Variants in RPS6KC1 observed in about 807,000 individuals in gnomAD.
RPS6KC1 encodes ribosomal protein S6 kinase C1, also known as inactive ribosomal protein S6 kinase delta-1.
RPS6KC1 carries 54 observed loss-of-function variants against 103.8 expected under a neutral mutation model. The observed-to-expected ratio is 0.52, with a 90% CI of 0.42 to 0.65. The LOEUF (loss-of-function observed/expected upper bound fraction) is 0.65, where lower values mean the gene tolerates loss of function less well. Among genes scored for constraint, RPS6KC1 ranks in the 30% least tolerant of loss-of-function variants. RPS6KC1 has a pLI of 0.00. For missense variants in RPS6KC1, 1,151 were observed against 1,253.8 expected (o/e 0.92, Z 1.24); for synonymous variants, 439 against 438.7 (o/e 1.00, Z -0.01).
At chr1:213,739,538 A>C in the RPS6KC1 span, among the ~76,000 whole-genome samples, 1 of 152,204 alleles carries the variant, frequency 6.6e-6, no homozygotes, top group South Asian at 2.1e-4. Context: ...CTTCAAATGG[A>C]AAAAGACACC....
intron 14 of RPS6KC1, among the ~76,000 whole-genome samples, chr1:213,264,286 C>G (rs951670787): frequency 6.6e-6 from 1 of 151,894 alleles, no homozygotes; most frequent in African/African-American, 2.4e-5. Context: ...ATACCTAGAG[C>G]ACTTTAGATT....
the RPS6KC1 span, among the ~76,000 whole-genome samples, chr1:213,687,901 T>C: frequency 6.6e-6 from 1 of 152,236 alleles, no homozygotes; most frequent in African/African-American, 2.4e-5. Flanking sequence ...TATTTCATTC[T>C]TTCTCTGTGA....
chr1:213,642,299 G>C, the RPS6KC1 span, among the ~76,000 whole-genome samples: 4 of 152,188 alleles, frequency 2.6e-5, no homozygotes, highest in Admixed American at 6.6e-5. Context: ...ATTCTGTCCA[G>C]GTTTTAGAGT....
chr1:213,730,786 A>G, the RPS6KC1 span, among the ~76,000 whole-genome samples: 190 of 152,146 alleles, frequency 1.2e-3, 1 homozygote, highest in African/African-American at 4.3e-3. Flanking sequence ...ATTAGATCCC[A>G]TTTGTCAATT....
the RPS6KC1 span, among the ~76,000 whole-genome samples, chr1:213,721,402 A>G: frequency 6.6e-6 from 1 of 152,130 alleles, no homozygotes; most frequent in South Asian, 2.1e-4. Context: ...TAGTGAATAA[A>G]TCTCACAGAA....
At chr1:213,547,024 T>C in the RPS6KC1 span, among the ~76,000 whole-genome samples, 1 of 152,218 alleles carries the variant, frequency 6.6e-6, no homozygotes, top group East Asian at 1.9e-4. Flanking sequence ...GTTTGCAGAC[T>C]TTCCTAGTTT....
the RPS6KC1 span, among the ~76,000 whole-genome samples, chr1:213,763,516 A>G: frequency 6.6e-6 from 1 of 152,178 alleles, no homozygotes; most frequent in Non-Finnish European, 1.5e-5. Flanking sequence ...AGCTCTATTC[A>G]TGGGACCTGG....
chr1:213,216,980 A>G (rs2093682603), intron 8 of RPS6KC1, among the ~76,000 whole-genome samples: 1 of 151,742 alleles, frequency 6.6e-6, no homozygotes, highest in Non-Finnish European at 1.5e-5. Flanking sequence ...GCAAGAGCAA[A>G]CACATTCAAA....
chr1:213,266,899 G>A (rs973722555), intron 14 of RPS6KC1, among the ~76,000 whole-genome samples: 10 of 137,452 alleles, frequency 7.3e-5, no homozygotes, highest in African/African-American at 1.0e-4. Flanking sequence ...TTGAGGCTCC[G>A]TCTCAAACAA....
At chr1:213,107,664 A>C (rs1282561695) in intron 4 of RPS6KC1, among the ~76,000 whole-genome samples, 1 of 152,164 alleles carries the variant, frequency 6.6e-6, no homozygotes, top group African/African-American at 2.4e-5. Flanking sequence ...TTCTTGGGTG[A>C]TTCCTGAGGA....
At chr1:213,394,642 A>T in the RPS6KC1 span, among the ~76,000 whole-genome samples, 1 of 152,140 alleles carries the variant, frequency 6.6e-6, no homozygotes. Flanking sequence ...TCAGGTGGAA[A>T]TGGGCCATGC....
chr1:213,389,563 C>T, the RPS6KC1 span, among the ~76,000 whole-genome samples: 2 of 152,210 alleles, frequency 1.3e-5, no homozygotes, highest in East Asian at 1.9e-4. Flanking sequence ...ACACTGATGG[C>T]GGCTTGGGCA....
the RPS6KC1 span, among the ~76,000 whole-genome samples, chr1:213,742,804 G>A: frequency 4.6e-5 from 7 of 152,270 alleles, no homozygotes; most frequent in Non-Finnish European, 8.8e-5. Context: ...GGTCTAGTCA[G>A]AGTGAGCAGA....
chr1:213,771,153 C>T, the RPS6KC1 span, among the ~76,000 whole-genome samples: 1 of 151,982 alleles, frequency 6.6e-6, no homozygotes, highest in African/African-American at 2.4e-5. Context: ...GTTTTTCCTC[C>T]TCTAAGTAAA....
the RPS6KC1 span, among the ~76,000 whole-genome samples, chr1:213,364,463 G>A: frequency 1.3e-5 from 2 of 152,198 alleles, no homozygotes; most frequent in African/African-American, 4.8e-5. Flanking sequence ...AGACTGGGCT[G>A]TGGTTGTGGT....
At chr1:213,848,775 T>G in the RPS6KC1 span, among the ~76,000 whole-genome samples, 1 of 152,176 alleles carries the variant, frequency 6.6e-6, no homozygotes, top group Non-Finnish European at 1.5e-5. Context: ...TTTTGATTTT[T>G]TTTATATTGT....
At chr1:213,352,918 T>C in the RPS6KC1 span, among the ~76,000 whole-genome samples, 1 of 152,194 alleles carries the variant, frequency 6.6e-6, no homozygotes, top group Non-Finnish European at 1.5e-5. Context: ...ATGCTGTCTA[T>C]TTAAAAATCA....
chr1:213,686,216 T>C, the RPS6KC1 span, among the ~76,000 whole-genome samples: 3 of 152,250 alleles, frequency 2.0e-5, no homozygotes, highest in African/African-American at 7.2e-5. Flanking sequence ...CATGCATTTC[T>C]ATAGCCTTTT....
chr1:213,400,742 T>C, the RPS6KC1 span, among the ~76,000 whole-genome samples: 1 of 151,822 alleles, frequency 6.6e-6, no homozygotes, highest in Non-Finnish European at 1.5e-5. Context: ...AGTCTCGCTC[T>C]GTCACCCAGG....
Sources: allele counts gnomAD v4.1 joint callset (sites outside exome capture counted in the v4.1 genomes callset), GRCh38; gene constraint gnomAD v4.1.1; transcripts MANE v1.5; gene names NCBI Gene and HGNC (gene_info 2026-07-23, HGNC 2026-07-21).